The following BBX variants were observed in gnomAD, a reference collection of about 807,000 sequenced individuals.
BBX encodes the protein BBX high mobility group box domain containing, also known as HMG box transcription factor BBX.
A neutral mutation model predicts 100.2 loss-of-function variants in BBX; 30 were observed. That is an observed-to-expected ratio of 0.30 (90% CI 0.22 to 0.41). BBX has a LOEUF of 0.41. Ranked by LOEUF, BBX falls within the 10% of genes least tolerant of loss-of-function variation. BBX has a pLI of 1.00. For synonymous variants in BBX, 376 were observed against 388.1 expected, an observed-to-expected ratio of 0.97 and a Z score of 0.37; for missense variants, 1,023 against 1,129.8, an observed-to-expected ratio of 0.91 and a Z score of 1.35.
At chr3:107,793,141 C>G (rs927468833) in intron 15 of BBX, among the ~76,000 whole-genome samples, 10 of 152,264 alleles carry the variant, frequency 6.6e-5, no homozygotes, top group African/African-American at 2.2e-4. Context: ...TGTTTCCCCT[C>G]TAACACTTGA....
At chr3:107,605,506 A>G (rs2054369303) in intron 2 of BBX, among the ~76,000 whole-genome samples, 2 of 152,198 alleles carry the variant, frequency 1.3e-5, no homozygotes, top group African/African-American at 2.4e-5. Context: ...ACTAAAGTCA[A>G]CATTCCTAAG....
chr3:107,546,600 T>C (rs2049258709), intron 2 of BBX, among the ~76,000 whole-genome samples: 1 of 152,216 alleles, frequency 6.6e-6, no homozygotes, highest in African/African-American at 2.4e-5. Context: ...TTTATTACTT[T>C]CTTTGTTGTT....
chr3:107,584,004 A>G (rs1185892944), intron 2 of BBX, among the ~76,000 whole-genome samples: 3 of 78,574 alleles, frequency 3.8e-5, no homozygotes, highest in South Asian at 6.4e-4. Context: ...TTATATTATT[A>G]TATATATTAT....
At chr3:107,528,762 G>A (rs1298913774) in intron 2 of BBX, among the ~76,000 whole-genome samples, 3 of 152,160 alleles carry the variant, frequency 2.0e-5, no homozygotes, top group East Asian at 3.8e-4. Flanking sequence ...AAATAAATAG[G>A]TCTGAAGATG....
chr3:107,777,491 A>G (rs1210539106), intron 12 of BBX, among the ~76,000 whole-genome samples: 2 of 152,122 alleles, frequency 1.3e-5, no homozygotes, highest in African/African-American at 4.8e-5. Flanking sequence ...TCCATTTTCC[A>G]TCTACCAGGC....
At chr3:107,791,217 T>C in intron 14 of BBX, 23 bp from the exon 15 acceptor site, 2 of 1,607,374 alleles carry the variant, frequency 1.2e-6, no homozygotes, top group Non-Finnish European at 1.7e-6. Flanking sequence ...CACTTTTCTT[T>C]CCTTTTCTGT....
At chr3:107,576,940 A>G (rs2051830137) in intron 2 of BBX, among the ~76,000 whole-genome samples, 1 of 152,130 alleles carries the variant, frequency 6.6e-6, no homozygotes, top group African/African-American at 2.4e-5. Context: ...GGCTCACTGC[A>G]ACCTCTGCCT....
intron 1 of BBX, chr3:107,524,499 C>T (rs1024785855): frequency 6.6e-6 from 1 of 151,260 alleles, no homozygotes; most frequent in Admixed American, 6.6e-5. Flanking sequence ...TTACAAGGAC[C>T]CTGAATCCCA....
chr3:107,709,234 A>C (rs2061569495), intron 3 of BBX, among the ~76,000 whole-genome samples: 1 of 152,210 alleles, frequency 6.6e-6, no homozygotes, highest in East Asian at 1.9e-4. Flanking sequence ...TACAAGTTCT[A>C]GGAGAAAACA....
chr3:107,525,144 CG>C (rs2047663742), intron 1 of BBX, among the ~76,000 whole-genome samples: 1 of 148,610 alleles, frequency 6.7e-6, no homozygotes. Flanking sequence ...CCAGGGGCGC[CG>C]GGGGTCCCCG....
At chr3:107,623,343 G>GT (rs1423129071) in intron 2 of BBX, among the ~76,000 whole-genome samples, 2 of 152,134 alleles carry the variant, frequency 1.3e-5, no homozygotes, top group African/African-American at 4.8e-5. Context: ...GTGGACCCTG[G>GT]TTTTTTGTGC....
intron 2 of BBX, among the ~76,000 whole-genome samples, chr3:107,584,956 T>C (rs682043): frequency 0.17 from 25,683 of 151,790 alleles, 2,896 homozygotes; most frequent in African/African-American, 0.32. Flanking sequence ...TGATTACAGG[T>C]GTGAGCCACC....
intron 13 of BBX, among the ~76,000 whole-genome samples, chr3:107,785,500 C>T (rs1440690092): frequency 6.6e-6 from 1 of 151,972 alleles, no homozygotes; most frequent in East Asian, 1.9e-4. Flanking sequence ...GGGATTTTAC[C>T]TCATGACTGC....
intron 3 of BBX, among the ~76,000 whole-genome samples, chr3:107,654,690 T>C (rs894477104): frequency 2.0e-5 from 3 of 152,086 alleles, no homozygotes; most frequent in African/African-American, 7.2e-5. Flanking sequence ...TTTTGTTTTG[T>C]TTTTGTTTGT....
chr3:107,598,775 C>T (rs1190851696), intron 2 of BBX, among the ~76,000 whole-genome samples: 16 of 152,300 alleles, frequency 1.1e-4, no homozygotes. Context: ...GATTGCATTC[C>T]TCACCTCAAT....
chr3:107,737,930 C>G (rs1244893775), intron 7 of BBX, among the ~76,000 whole-genome samples: 1 of 51,528 alleles, frequency 1.9e-5, no homozygotes, highest in Non-Finnish European at 3.7e-5. Flanking sequence ...TTTGTATGAT[C>G]CTTACCTTTT....
At chr3:107,603,327 T>C (rs2054195662) in intron 2 of BBX, among the ~76,000 whole-genome samples, 1 of 152,162 alleles carries the variant, frequency 6.6e-6, no homozygotes, top group African/African-American at 2.4e-5. Flanking sequence ...TACAGATCCA[T>C]CTTTTGTGAA....
At chr3:107,743,841 A>G (rs916650763) in intron 7 of BBX, among the ~76,000 whole-genome samples, 1 of 151,574 alleles carries the variant, frequency 6.6e-6, no homozygotes, top group Admixed American at 6.6e-5. Context: ...ACACAACTGG[A>G]AGAATATATA....
At chr3:107,658,326 A>G (rs2058259340) in intron 3 of BBX, among the ~76,000 whole-genome samples, 1 of 152,190 alleles carries the variant, frequency 6.6e-6, no homozygotes, top group Admixed American at 6.5e-5. Flanking sequence ...AGGTATTAAT[A>G]TCATTTCCTC....
Sources: gnomAD v4.1 joint callset for allele counts (sites outside exome capture counted in the v4.1 genomes callset) on GRCh38, gnomAD v4.1.1 for gene constraint, MANE v1.5 for transcripts, NCBI Gene and HGNC (gene_info 2026-07-23, HGNC 2026-07-21) for gene names.